Variants in COL24A1 observed in about 807,000 individuals in gnomAD.
COL24A1 encodes collagen alpha-1(XXIV) chain.
Under a neutral mutation model 253.9 loss-of-function variants are expected in COL24A1, and 224 were observed. The observed-to-expected ratio is 0.88, with a 90% CI of 0.79 to 0.99. The LOEUF (loss-of-function observed/expected upper bound fraction) is 0.99. COL24A1 is among the 50% of genes least tolerant of loss of function. The pLI is 0.00. For synonymous variants in COL24A1, 685 were observed against 673.7 expected, an observed-to-expected ratio of 1.02 and a Z score of -0.26; for missense variants, 2,131 against 2,068.5, an observed-to-expected ratio of 1.03 and a Z score of -0.59.
At chr1:86,051,134 A>T (rs549462102) in intron 10 of COL24A1, among the ~76,000 whole-genome samples, 1 of 152,172 alleles carries the variant, frequency 6.6e-6, no homozygotes, top group East Asian at 1.9e-4. Context: ...AGGCTCTTTA[A>T]GTGGTCTAAA....
At chr1:85,878,664 C>G (rs1571044083) in intron 32 of COL24A1, among the ~76,000 whole-genome samples, 1 of 152,328 alleles carries the variant, frequency 6.6e-6, no homozygotes, top group South Asian at 2.1e-4. Context: ...GCCATACTGT[C>G]TTCCAAATTG....
chr1:86,099,766 G>A (rs1704284028), intron 5 of COL24A1, among the ~76,000 whole-genome samples: 1 of 152,096 alleles, frequency 6.6e-6, no homozygotes, highest in South Asian at 2.1e-4. Flanking sequence ...ATGACTAGCA[G>A]AGTAGACTCA....
At chr1:85,792,769 A>T (rs963727296) in intron 47 of COL24A1, among the ~76,000 whole-genome samples, 3 of 152,010 alleles carry the variant, frequency 2.0e-5, no homozygotes, top group Non-Finnish European at 4.4e-5. Context: ...GATGGAATGT[A>T]CTATATAAAT....
intron 4 of COL24A1, among the ~76,000 whole-genome samples, chr1:86,113,342 G>A (rs939079538): frequency 3.9e-5 from 6 of 152,104 alleles, no homozygotes; most frequent in African/African-American, 1.4e-4. Context: ...CATGTCTCCA[G>A]GTTCCCTATG....
At chr1:85,906,562 A>T (rs1487013998) in intron 28 of COL24A1, among the ~76,000 whole-genome samples, 2 of 151,716 alleles carry the variant, frequency 1.3e-5, no homozygotes, top group Non-Finnish European at 2.9e-5. Flanking sequence ...AATAGCTAAG[A>T]TATAATATTT....
intron 53 of COL24A1, among the ~76,000 whole-genome samples, chr1:85,764,527 C>G (rs951958963): frequency 6.6e-6 from 1 of 151,038 alleles, no homozygotes; most frequent in Admixed American, 6.6e-5. Context: ...CCAAGACCTC[C>G]TAACCCTCTT....
At chr1:86,080,983 C>T (rs568170779) in intron 7 of COL24A1, among the ~76,000 whole-genome samples, 8 of 152,136 alleles carry the variant, frequency 5.3e-5, no homozygotes, top group Admixed American at 3.3e-4. Flanking sequence ...TGTTCCATGA[C>T]CTTTAAATAT....
intron 24 of COL24A1, among the ~76,000 whole-genome samples, chr1:85,944,362 T>A (rs1361311311): frequency 6.6e-6 from 1 of 152,242 alleles, no homozygotes; most frequent in Non-Finnish European, 1.5e-5. Flanking sequence ...CAAAAATATG[T>A]ATGTTATCAT....
At chr1:85,856,432 C>CTTG (rs2102393513) in intron 37 of COL24A1, among the ~76,000 whole-genome samples, 1 of 152,104 alleles carries the variant, frequency 6.6e-6, no homozygotes, top group East Asian at 1.9e-4. Context: ...TTGATTTCTG[C>CTTG]TTTAATTTCA....
chr1:85,774,951 A>C (rs1668374461), intron 53 of COL24A1, among the ~76,000 whole-genome samples: 1 of 151,886 alleles, frequency 6.6e-6, no homozygotes, highest in South Asian at 2.1e-4. Flanking sequence ...TAGTTCTTTT[A>C]ATTGTGATGT....
chr1:85,826,132 T>A (rs1287264843), intron 43 of COL24A1, among the ~76,000 whole-genome samples: 1 of 139,670 alleles, frequency 7.2e-6, no homozygotes, highest in East Asian at 2.0e-4. Flanking sequence ...CAGTTTCAGC[T>A]TTCTATATAT....
chr1:86,016,623 T>C (rs1197615276), intron 19 of COL24A1, among the ~76,000 whole-genome samples: 1 of 152,194 alleles, frequency 6.6e-6, no homozygotes, highest in Admixed American at 6.5e-5. Context: ...TTTTTTAAAA[T>C]CCAAATGTTT....
chr1:85,918,129 GT>G (rs542426672), intron 24 of COL24A1, among the ~76,000 whole-genome samples: 32 of 143,226 alleles, frequency 2.2e-4, no homozygotes, highest in South Asian at 2.2e-4. Flanking sequence ...TGTGGTTTTT[GT>G]TTTTTTTTTT....
At position 86,144,730 on chromosome 1, in the gene COL24A1, A is replaced by G. The variant is rs368720077; in HGVS notation, c.121+1389T>C. ...AGCTCAAATCTTGGTTCTTCCATTC[A>G]TTAAGCTTTTACTTGGAGGTGGTTA... is the stretch of plus-strand genomic sequence containing the variant. On this transcript the variant is annotated intron_variant, in intron 2 of 59. Coordinates refer to ENST00000370571, the MANE Select transcript of COL24A1 (RefSeq NM_152890.7). 3.9e-3 allele frequency among the ~76,000 whole-genome samples: 423 copies of G among 108,300 alleles called. 1 individual carries two copies. Among genetic ancestry groups the G allele is most frequent in the African/African-American group, 0.013 (404 of 30,614 alleles). 71.0% of individuals were successfully genotyped at this position (108,300 alleles called of 152,430 possible).
At chr1:85,979,501 A>G (rs1260392464) in intron 20 of COL24A1, among the ~76,000 whole-genome samples, 1 of 152,108 alleles carries the variant, frequency 6.6e-6, no homozygotes, top group Non-Finnish European at 1.5e-5. Flanking sequence ...GAAATGGGAG[A>G]TATTACAACT....
intron 22 of COL24A1, among the ~76,000 whole-genome samples, chr1:85,965,273 G>A (rs1275866264): frequency 6.6e-6 from 1 of 151,968 alleles, no homozygotes; most frequent in Non-Finnish European, 1.5e-5. Context: ...AGATGCAGAG[G>A]ATCGAGGACT....
intron 5 of COL24A1, among the ~76,000 whole-genome samples, chr1:86,105,189 T>C (rs1704848192): frequency 6.6e-6 from 1 of 152,080 alleles, no homozygotes; most frequent in Admixed American, 6.5e-5. Flanking sequence ...CCAGCTGCAA[T>C]AGCGGTATGG....
At chr1:86,149,622 T>C (rs1332063835) in intron 1 of COL24A1, among the ~76,000 whole-genome samples, 1 of 152,192 alleles carries the variant, frequency 6.6e-6, no homozygotes, top group African/African-American at 2.4e-5. Flanking sequence ...CAGGCACTTT[T>C]CCCTTAAAAA....
intron 47 of COL24A1, among the ~76,000 whole-genome samples, chr1:85,805,858 G>A (rs974325335): frequency 2.6e-5 from 4 of 152,014 alleles, no homozygotes; most frequent in African/African-American, 7.2e-5. Flanking sequence ...GGCGGATCAC[G>A]AGGTCAGGAG....
Sources: gnomAD v4.1 joint callset for allele counts (sites outside exome capture counted in the v4.1 genomes callset) on GRCh38, gnomAD v4.1.1 for gene constraint, MANE v1.5 for transcripts, NCBI Gene and HGNC (gene_info 2026-07-23, HGNC 2026-07-21) for gene names.